The following NAALADL2 variants were observed in gnomAD, a reference collection of about 807,000 sequenced individuals.
The protein encoded by NAALADL2 is inactive N-acetylated-alpha-linked acidic dipeptidase-like protein 2.
A neutral mutation model predicts 87.2 loss-of-function variants in NAALADL2; 76 were observed. The ratio of observed to expected loss-of-function variants is 0.87; its 90% CI spans 0.72 to 1.05. The LOEUF (loss-of-function observed/expected upper bound fraction) is 1.05, where lower values mean the gene tolerates loss of function less well. Among genes scored for constraint, NAALADL2 ranks in the 50% least tolerant of loss-of-function variants. The probability of loss-of-function intolerance (pLI) is 0.00; values close to 1 mark genes in which losing one functional copy is unlikely to be tolerated. For missense variants in NAALADL2, 1,089 were observed against 945.8 expected, an observed-to-expected ratio of 1.15 and a Z score of -1.99; for synonymous variants, 354 against 331.0, an observed-to-expected ratio of 1.07 and a Z score of -0.75.
intron 10 of NAALADL2, among the ~76,000 whole-genome samples, chr3:175,600,497 G>A (rs942207529): frequency 9.3e-6 from 1 of 107,044 alleles, no homozygotes; most frequent in African/African-American, 3.2e-5. Context: ...TACTTCATTT[G>A]CCTTTTGTCC....
intron 2 of NAALADL2, among the ~76,000 whole-genome samples, chr3:175,233,535 A>G (rs1341842390): frequency 6.6e-6 from 1 of 152,124 alleles, no homozygotes; most frequent in African/African-American, 2.4e-5. Context: ...TCCGACTCCC[A>G]GGCTCAAGTG....
intron 4 of NAALADL2, among the ~76,000 whole-genome samples, chr3:175,281,895 G>T (rs559391749): frequency 2.6e-4 from 40 of 151,962 alleles, no homozygotes; most frequent in African/African-American, 9.2e-4. Context: ...GTTATTTTAA[G>T]ATTCACTTCT....
chr3:175,673,405 G>T (rs571533843), intron 11 of NAALADL2, among the ~76,000 whole-genome samples: 1 of 152,166 alleles, frequency 6.6e-6, no homozygotes, highest in East Asian at 1.9e-4. Flanking sequence ...TCAGTTATAA[G>T]AATTTATTTT....
chr3:174,792,047 A>G (rs1285441227), intron 3 of NAALADL2, among the ~76,000 whole-genome samples: 3 of 151,894 alleles, frequency 2.0e-5, no homozygotes, highest in Non-Finnish European at 4.4e-5. Flanking sequence ...TATCTCTACT[A>G]AAACAAAAAA....
chr3:175,077,848 A>T (rs1716912441), intron 1 of NAALADL2, among the ~76,000 whole-genome samples: 1 of 152,090 alleles, frequency 6.6e-6, no homozygotes, highest in Admixed American at 6.5e-5. Flanking sequence ...AATCTTTACC[A>T]ATGGACTACA....
chr3:174,763,133 T>G (rs1018672662), intron 3 of NAALADL2, among the ~76,000 whole-genome samples: 1 of 149,588 alleles, frequency 6.7e-6, no homozygotes, highest in African/African-American at 2.4e-5. Flanking sequence ...AGGTTAACCT[T>G]ATTTTACTAA....
intron 2 of NAALADL2, among the ~76,000 whole-genome samples, chr3:175,137,501 A>G (rs1729287719): frequency 6.6e-6 from 1 of 152,090 alleles, no homozygotes; most frequent in Non-Finnish European, 1.5e-5. Context: ...TTTAACCTTA[A>G]AATTAATATT....
chr3:174,893,310 A>AACCC (rs1731085314), intron 1 of NAALADL2, among the ~76,000 whole-genome samples: 1 of 139,376 alleles, frequency 7.2e-6, no homozygotes, highest in African/African-American at 2.7e-5. Flanking sequence ...GAGTACTTCA[A>AACCC]CCCCCCCCCG....
chr3:175,580,406 A>T (rs1336281394), intron 10 of NAALADL2, among the ~76,000 whole-genome samples: 1 of 152,152 alleles, frequency 6.6e-6, no homozygotes, highest in Non-Finnish European at 1.5e-5. Flanking sequence ...TTCATGTTTT[A>T]CTTTAAGTAG....
At chr3:175,369,175 T>C (rs1549112) in intron 5 of NAALADL2, among the ~76,000 whole-genome samples, 91,804 of 152,064 alleles carry the variant, frequency 0.6, 27,825 homozygotes, top group East Asian at 0.68. Context: ...TGTATGTGAT[T>C]TGTTCTTGAG....
intron 3 of NAALADL2, among the ~76,000 whole-genome samples, chr3:174,814,177 T>C (rs1398030507): frequency 6.6e-6 from 1 of 152,020 alleles, no homozygotes; most frequent in Admixed American, 6.6e-5. Flanking sequence ...GGTGCAATCT[T>C]AGCTCACTGC....
At chr3:175,231,939 G>C (rs554137492) in intron 2 of NAALADL2, among the ~76,000 whole-genome samples, 18 of 152,086 alleles carry the variant, frequency 1.2e-4, no homozygotes, top group Non-Finnish European at 2.5e-4. Context: ...ATGGAGAAAG[G>C]GGGTAGGAAA....
intron 2 of NAALADL2, among the ~76,000 whole-genome samples, chr3:174,640,956 G>T (rs1470326355): frequency 6.6e-6 from 1 of 152,172 alleles, no homozygotes; most frequent in East Asian, 1.9e-4. Context: ...GAAGCACCGA[G>T]GAAGGTAGCA....
rs200374862 is a variant in NAALADL2 at position 175,209,016 on chromosome 3, CT to C, written c.546-24913del. Among the ~76,000 whole-genome samples, 569 of 152,212 alleles carry C rather than the reference CT, an allele frequency of 3.7e-3. 5 individuals are homozygous for C. Among genetic ancestry groups the C allele is most frequent in the African/African-American group, 0.013 (561 of 41,560 alleles). ...CAAAATTATATTGTTTACAAAGGAACTTCTATTCTGACATTAAAAAGCAAAA... is the reference window on the plus strand; with the variant it reads ...CAAAATTATATTGTTTACAAAGGAACTCTATTCTGACATTAAAAAGCAAAA... On this transcript the variant is annotated intron_variant, in intron 2 of 13. Transcript: ENST00000454872.
intron 1 of NAALADL2, among the ~76,000 whole-genome samples, chr3:174,490,020 A>G (rs539878080): frequency 6.6e-6 from 1 of 152,224 alleles, no homozygotes; most frequent in South Asian, 2.1e-4. Context: ...AAAAAGACAT[A>G]CCATATGAAC....
At chr3:175,070,059 GC>G (rs1290715999) in intron 1 of NAALADL2, among the ~76,000 whole-genome samples, 1 of 149,924 alleles carries the variant, frequency 6.7e-6, no homozygotes, top group African/African-American at 2.5e-5. Flanking sequence ...TATACCTAAT[GC>G]TAAATGACGA....
chr3:174,701,032 A>G (rs943518171), intron 2 of NAALADL2, among the ~76,000 whole-genome samples: 4 of 152,114 alleles, frequency 2.6e-5, no homozygotes, highest in African/African-American at 9.7e-5. Context: ...TCATGAAGGG[A>G]GATTTCAAAA....
chr3:175,257,293 G>A (rs574500414), intron 4 of NAALADL2: 1 of 150,294 alleles, frequency 6.7e-6, no homozygotes, highest in Non-Finnish European at 1.5e-5. Context: ...AATGAGCTTT[G>A]CTAACTCCCA....
chr3:174,651,486 C>A (rs1196999505), intron 2 of NAALADL2, among the ~76,000 whole-genome samples: 5 of 152,128 alleles, frequency 3.3e-5, no homozygotes, highest in South Asian at 4.1e-4. Context: ...ACTAATAATT[C>A]TTTGCCTTTA....
Sources: gnomAD v4.1 joint callset for allele counts (sites outside exome capture counted in the v4.1 genomes callset) on GRCh38, gnomAD v4.1.1 for gene constraint, MANE v1.5 for transcripts, NCBI Gene and HGNC (gene_info 2026-07-23, HGNC 2026-07-21) for gene names.